AHCYL2: variants seen among roughly 807,000 people sequenced by gnomAD.
AHCYL2 encodes adenosylhomocysteinase like 2, also known as S-adenosylhomocysteine hydrolase-like protein 2.
A neutral mutation model predicts 81.4 loss-of-function variants in AHCYL2; 28 were observed. That is an observed-to-expected ratio of 0.34 (90% confidence interval 0.25 to 0.47). AHCYL2 has a LOEUF of 0.47. AHCYL2 is among the 20% of genes least tolerant of loss of function. The pLI is 1.00. For missense variants in AHCYL2, 551 were observed against 785.1 expected, an observed-to-expected ratio of 0.70 and a Z score of 3.56; for synonymous variants, 272 against 290.2, an observed-to-expected ratio of 0.94 and a Z score of 0.64.
At chr7:129,347,634 T>A (rs1005243344) in intron 1 of AHCYL2, among the ~76,000 whole-genome samples, 7 of 152,182 alleles carry the variant, frequency 4.6e-5, no homozygotes, top group African/African-American at 1.7e-4. Context: ...CCTCTGTTTT[T>A]TGTTTTTTTG....
chr7:129,285,120 G>A (rs1796583518), intron 1 of AHCYL2, among the ~76,000 whole-genome samples: 1 of 152,158 alleles, frequency 6.6e-6, no homozygotes, highest in Admixed American at 6.5e-5. Context: ...ACTAAAGGCC[G>A]TGAGCTACAG....
intron 1 of AHCYL2, among the ~76,000 whole-genome samples, chr7:129,328,377 C>T (rs1040677431): frequency 1.3e-5 from 2 of 151,644 alleles, no homozygotes; most frequent in East Asian, 3.9e-4. Flanking sequence ...GGGGTTTTGC[C>T]ATGCTGACCA....
intron 4 of AHCYL2, among the ~76,000 whole-genome samples, chr7:129,392,794 A>G (rs1176620665): frequency 1.3e-5 from 2 of 152,222 alleles, no homozygotes; most frequent in South Asian, 2.1e-4. Flanking sequence ...CCATGGTTAT[A>G]TGTCACATTT....
chr7:129,397,053 C>A (rs535906001), intron 4 of AHCYL2, among the ~76,000 whole-genome samples, 169 bp from the exon 5 acceptor site: 2 of 152,146 alleles, frequency 1.3e-5, no homozygotes, highest in African/African-American at 4.8e-5. Flanking sequence ...TGGCTTCCCC[C>A]AATACTTGCC....
Position 129,400,312 on chromosome 7 carries a change from G to A in AHCYL2, c.846G>A (p.Lys282=), listed in dbSNP as rs117550824. 7.6e-3 allele frequency: 12,265 copies of A among 1,613,550 alleles called. 61 individuals carry two copies. Among genetic ancestry groups the A allele is most frequent in the Non-Finnish European group, 9.5e-3 (11,232 of 1,179,624 alleles). ...AESGFPVFAW[K]GESEDDFWWC... ...CAGGATTTCCTGTTTTTGCCTGGAA[G>A]GGAGAGTCAGAAGATGACTTTTGGT... Residue 282 remains lysine (K), a synonymous_variant, in exon 6 of 17, where the codon AAG becomes AAA. Transcript: ENST00000325006.
At position 129,405,157 on chromosome 7, in the gene AHCYL2, A is replaced by C; in HGVS notation, c.1086A>C (p.Ser362=). 6.2e-7 allele frequency: 1 copy of C among 1,606,550 alleles called. No individual in the cohort carries two copies. Among genetic ancestry groups the C allele is most frequent in the East Asian group, 2.3e-5 (1 of 43,752 alleles). ...TTCCAGCCATGAATGTCAATGACTC[A>C]GTCACCAAACAGAAATTTGACAACC... ...LCVPAMNVND[S]VTKQKFDNLY... is the part of the protein sequence containing the mutation. The change falls in exon 8 of 17, where the codon TCA becomes TCC. Residue 362 remains serine (S), a synonymous_variant. Coordinates refer to ENST00000325006, the MANE Select transcript of AHCYL2 (RefSeq NM_015328.4).
intron 6 of AHCYL2, 115 bp downstream of exon 6, chr7:129,400,499 A>C (rs1795979894): frequency 3.3e-6 from 3 of 916,608 alleles, no homozygotes; most frequent in African/African-American, 3.3e-5. Context: ...CTTCATTTCT[A>C]TCTGATATAC....
chr7:129,302,938 T>C (rs1015855640), intron 1 of AHCYL2, among the ~76,000 whole-genome samples: 4 of 152,162 alleles, frequency 2.6e-5, no homozygotes, highest in African/African-American at 9.7e-5. Context: ...TGTTAGTTCT[T>C]CTTTAAATGT....
intron 10 of AHCYL2, among the ~76,000 whole-genome samples, chr7:129,408,424 A>G (rs549068670): frequency 6.6e-6 from 1 of 152,320 alleles, no homozygotes; most frequent in South Asian, 2.1e-4. Context: ...AATTCAGGAG[A>G]GGCAGCAAGG....
intron 1 of AHCYL2, among the ~76,000 whole-genome samples, chr7:129,259,991 G>A (rs1050509823): frequency 4.0e-5 from 6 of 151,210 alleles, no homozygotes; most frequent in Non-Finnish European, 8.8e-5. Flanking sequence ...CAGGAGAATC[G>A]CTTGAACCCA....
chr7:129,320,619 A>G (rs1425691006), intron 1 of AHCYL2, among the ~76,000 whole-genome samples: 2 of 152,162 alleles, frequency 1.3e-5, no homozygotes, highest in African/African-American at 4.8e-5. Flanking sequence ...GCCTTATCAC[A>G]GTTTTTAAAA....
At chr7:129,264,090 C>T (rs1473484871) in intron 1 of AHCYL2, among the ~76,000 whole-genome samples, 4 of 152,142 alleles carry the variant, frequency 2.6e-5, no homozygotes, top group Non-Finnish European at 4.4e-5. Context: ...GGCGCCATCT[C>T]GGCTCACTGC....
At chr7:129,407,982 T>C (rs557776006) in intron 10 of AHCYL2, among the ~76,000 whole-genome samples, 1 of 152,310 alleles carries the variant, frequency 6.6e-6, no homozygotes, top group Admixed American at 6.5e-5. Flanking sequence ...AGGAAGGAGA[T>C]AGCATGGCAG....
intron 1 of AHCYL2, among the ~76,000 whole-genome samples, chr7:129,260,973 A>G (rs997343097): frequency 1.7e-4 from 26 of 152,080 alleles, no homozygotes; most frequent in Admixed American, 5.9e-4. Context: ...TATCTTTAGT[A>G]GAGACAGTGT....
intron 1 of AHCYL2, among the ~76,000 whole-genome samples, chr7:129,316,862 G>A (rs1303020548): frequency 6.6e-6 from 1 of 152,192 alleles, no homozygotes; most frequent in East Asian, 1.9e-4. Context: ...CTATTGAAAC[G>A]AATGTTTCCT....
intron 1 of AHCYL2, among the ~76,000 whole-genome samples, chr7:129,321,817 C>T (rs376909065): frequency 6.9e-6 from 1 of 145,430 alleles, no homozygotes; most frequent in East Asian, 2.0e-4. Context: ...ACTCTGTTGC[C>T]CAGGCTGGAG....
At chr7:129,331,234 A>G (rs1798407492) in intron 1 of AHCYL2, among the ~76,000 whole-genome samples, 1 of 152,180 alleles carries the variant, frequency 6.6e-6, no homozygotes, top group African/African-American at 2.4e-5. Flanking sequence ...AGAAATATAA[A>G]TCGGTGCTTT....
At chr7:129,403,257 C>A (rs546349293) in intron 6 of AHCYL2, 122 bp from the exon 7 acceptor site, 157 of 555,076 alleles carry the variant, frequency 2.8e-4, no homozygotes, top group Non-Finnish European at 4.4e-4. Context: ...CTTTGCATAA[C>A]CATATGGGAA....
chr7:129,341,301 G>C (rs1374854117), intron 1 of AHCYL2, among the ~76,000 whole-genome samples: 1 of 152,194 alleles, frequency 6.6e-6, no homozygotes, highest in African/African-American at 2.4e-5. Context: ...AAACTAGGTA[G>C]ATAAAGGCTA....
Sources: allele counts gnomAD v4.1 joint callset (sites outside exome capture counted in the v4.1 genomes callset), GRCh38; gene constraint gnomAD v4.1.1; transcripts MANE v1.5; gene names NCBI Gene and HGNC (gene_info 2026-07-23, HGNC 2026-07-21).